ECHDC2: variants seen among roughly 807,000 people sequenced by gnomAD.
ECHDC2 encodes the protein enoyl-CoA hydratase domain containing 2.
In ECHDC2, 34 loss-of-function variants were observed where a neutral mutation model predicts 40.6. That is an observed-to-expected ratio of 0.84 (90% CI 0.64 to 1.11). The LOEUF (loss-of-function observed/expected upper bound fraction) is 1.11, where lower values mean the gene tolerates loss of function less well. Among genes scored for constraint, ECHDC2 ranks in the 50% most tolerant of loss-of-function variants. The pLI is 0.00. For synonymous variants in ECHDC2, 162 were observed against 166.6 expected (o/e 0.97, Z 0.21); for missense variants, 392 against 400.7 (o/e 0.98, Z 0.19).
intron 4 of ECHDC2, chr1:52,907,539 A>G (rs1648226600): frequency 3.5e-6 from 1 of 282,852 alleles, no homozygotes; most frequent in Non-Finnish European, 6.6e-6. Context: ...AGGACAAGTA[A>G]AAGTTCAAGT....
intron 8 of ECHDC2, 75 bp downstream of exon 8, chr1:52,899,099 C>A (rs1646820909): frequency 6.8e-7 from 1 of 1,474,964 alleles, no homozygotes; most frequent in Non-Finnish European, 9.5e-7. Context: ...GCTGTGCTGT[C>A]TGAGCTCTGA....
At chr1:52,910,663 C>T (rs2150059261) in intron 3 of ECHDC2, among the ~76,000 whole-genome samples, 1 of 152,160 alleles carries the variant, frequency 6.6e-6, no homozygotes, top group South Asian at 2.1e-4. Context: ...GCCACTGCAC[C>T]CAGCCCACAA....
At chr1:52,901,896 A>T (rs866796306) in intron 7 of ECHDC2, 1 of 152,218 alleles carries the variant, frequency 6.6e-6, no homozygotes, top group Non-Finnish European at 1.5e-5. Context: ...AGCTGCAATC[A>T]GCCACTCCAT....
chr1:52,902,162 CTATTT>C (rs1193045010), intron 7 of ECHDC2: 1 of 152,082 alleles, frequency 6.6e-6, no homozygotes, highest in Admixed American at 6.6e-5. Flanking sequence ...CAAAATTATA[CTATTT>C]TATTTTATTA....
chr1:52,913,774 C>CGGTTACACTA (rs1650083140), intron 1 of ECHDC2: 2 of 263,238 alleles, frequency 7.6e-6, no homozygotes, highest in Non-Finnish European at 1.3e-5. Flanking sequence ...TGTCGCCACC[C>CGGTTACACTA]GGGGGCCCTA....
At chr1:52,899,679 C>A (rs1435688736) in intron 7 of ECHDC2, 2 of 167,344 alleles carry the variant, frequency 1.2e-5, no homozygotes, top group Non-Finnish European at 2.6e-5. Context: ...TTTCCCACTT[C>A]CTCGACCTCA....
intron 5 of ECHDC2, chr1:52,905,493 C>A: frequency 5.3e-6 from 1 of 189,538 alleles, no homozygotes; most frequent in Non-Finnish European, 1.1e-5. Context: ...TCTGGCTTAG[C>A]CCTGGCCTGG....
rs1646803719 is a variant in ECHDC2 at position 52,898,831 on chromosome 1, A to T, written c.753+343T>A. On this transcript the variant is annotated intron_variant, in intron 8 of 9. Transcript: ENST00000371522. ...ACCCCAAGCCCTGCCCTGAGGCCAC[A>T]TTACTGCCAGCACAAATCTTGCAGC... 3 of 401,022 alleles carry T rather than the reference A, an allele frequency of 7.5e-6. No individual in the cohort carries two copies. The Admixed American group carries it at 1.2e-4, about 15-fold the overall frequency. 24.8% of individuals were successfully genotyped at this position (401,022 alleles called of 1,614,324 possible). A position where few individuals can be genotyped will look rare whatever the true frequency, so the allele number is the denominator to read the frequency against.
Position 52,906,585 on chromosome 1 carries a change from C to T in ECHDC2, c.391G>A (p.Ala131Thr), listed in dbSNP as rs376331490. 1.1e-5 allele frequency: 18 copies of T among 1,612,174 alleles called. No homozygotes were observed. The African/African-American group carries it at 2.3e-4, about 20-fold the overall frequency. Reference protein sequence around the residue: ...IAAFPAPTIAAMDGFALGGGL... With the variant: ...IAAFPAPTIATMDGFALGGGL... ...CCGCCCAAGGCAAACCCATCCATAG[C>T]CGCAATGGTGGGTGCAGGGAAGGCT... Residue 131 changes from alanine to threonine, a missense_variant, in exon 5 of 10, where the codon GCT (alanine) becomes ACT (threonine). Physicochemically the swap from Ala to Thr is moderately conservative, Grantham distance 58. Coordinates refer to ENST00000371522, the MANE Select transcript of ECHDC2 (RefSeq NM_001198961.2).
intron 5 of ECHDC2, chr1:52,906,076 C>G (rs575549427): frequency 2.9e-6 from 1 of 343,874 alleles, no homozygotes; most frequent in South Asian, 2.3e-5. Context: ...AGCTCAATTG[C>G]TCAGAACAAG....
chr1:52,908,991 A>T (rs981428384), intron 3 of ECHDC2, among the ~76,000 whole-genome samples: 10 of 151,792 alleles, frequency 6.6e-5, no homozygotes, highest in African/African-American at 1.9e-4. Flanking sequence ...TCCTGAGGAG[A>T]TACACAGATG....
Position 52,896,600 on chromosome 1 carries a change from G to T in ECHDC2, c.802-3C>A, listed in dbSNP as rs1437528847. 1 of 1,613,356 alleles carries T rather than the reference G, an allele frequency of 6.2e-7. No individual in the cohort carries two copies. The highest frequency in any genetic ancestry group is 1.3e-5 in the African/African-American group (1 of 74,912). ...AGCCGGTCCCGGGTTGGAATATTCT[G>T]CAACAAGGTACAAAATATTAGTTTT... On this transcript the variant is annotated splice_polypyrimidine_tract_variant and splice_region_variant and intron_variant, in intron 9 of 9. Transcript: ENST00000371522.
intron 1 of ECHDC2, chr1:52,920,414 C>T: frequency 3.4e-6 from 3 of 873,164 alleles, no homozygotes; most frequent in Non-Finnish European, 5.5e-6. Context: ...CATGTCCGGC[C>T]ACGAAGGTGG....
rs1336241136 is a variant in ECHDC2, at chr1:52,914,043, G to A, written c.122-2253C>T. Reference sequence around the variant, plus strand: ...TGTGTGCTGGCCTCTACTAGACACCGTGATTCCAGAGACCAGGACAGACTC... The same window carrying A: ...TGTGTGCTGGCCTCTACTAGACACCATGATTCCAGAGACCAGGACAGACTC... On this transcript the variant is annotated intron_variant, in intron 1 of 9. Coordinates refer to ENST00000371522, the MANE Select transcript of ECHDC2 (RefSeq NM_001198961.2). The surrounding 1 kb of genome is among the most constrained non-coding windows in gnomAD (Gnocchi z 4.0). 6.2e-6 allele frequency: 7 copies of A among 1,121,594 alleles called. No individual in the cohort carries two copies. Among genetic ancestry groups the A allele is most frequent in the South Asian group, 5.2e-5 (4 of 76,888 alleles). The allele number at this position is 1,121,594 out of a possible 1,614,324, so 69.5% of individuals were successfully genotyped here.
At chr1:52,917,703 T>C (rs557748296) in intron 1 of ECHDC2, 1 of 453,770 alleles carries the variant, frequency 2.2e-6, no homozygotes, top group African/African-American at 2.0e-5. Context: ...ATATAAGACA[T>C]ATAAGTCCCA....
chr1:52,914,111 G>C lies in ECHDC2; in HGVS notation c.122-2321C>G, dbSNP rs775140577. 1.9e-6 allele frequency: 1 copy of C among 519,400 alleles called. No individual in the cohort carries two copies. The highest frequency in any genetic ancestry group is 1.5e-5 in the South Asian group (1 of 65,742). The allele number at this position is 519,400 out of a possible 1,614,324, so 32.2% of individuals were successfully genotyped here. On this transcript the variant is annotated intron_variant, in intron 1 of 9. Coordinates refer to ENST00000371522, the MANE Select transcript of ECHDC2 (RefSeq NM_001198961.2). This position sits in a 1 kb window ranked among gnomAD's most constrained non-coding sequence, Gnocchi z 4.0. ...AACCTACAGCCTAGTGGGGAAGACA[G>C]ACATTAAATAATTACTATTTGTGAG...
In ECHDC2 at chr1:52,896,498, A is replaced by G. The variant is rs1289691471; in HGVS notation, c.*22T>C. ...CTGCTCTTCAGGGCATGCATCTCCC[A>G]TGCTGAAGGTTAAAATGGGGGTCAT... On this transcript the variant is annotated 3_prime_UTR_variant, in exon 10 of 10. Transcript: ENST00000371522. The G allele has an allele frequency of 1.2e-6, 2 of 1,602,654 alleles. No homozygotes were observed. Among genetic ancestry groups the G allele is most frequent in the South Asian group, 1.1e-5 (1 of 90,878 alleles).
intron 1 of ECHDC2, among the ~76,000 whole-genome samples, chr1:52,915,625 G>C (rs745988479): frequency 1.2e-4 from 19 of 152,324 alleles, no homozygotes; most frequent in Non-Finnish European, 2.6e-4. Context: ...AGAGATGCCA[G>C]ATCAGGAGGA....
chr1:52,906,301 G>A (rs1647791093), intron 5 of ECHDC2: 18 of 647,476 alleles, frequency 2.8e-5, no homozygotes, highest in Non-Finnish European at 5.2e-5. Flanking sequence ...AATGAAGGAA[G>A]CAGGTTCTGA....
Sources: gnomAD v4.1 joint callset for allele counts (sites outside exome capture counted in the v4.1 genomes callset) on GRCh38, gnomAD v4.1.1 for gene constraint, Gnocchi (gnomAD v3.1) non-coding constraint, MANE v1.5 for transcripts, NCBI Gene and HGNC (gene_info 2026-07-23, HGNC 2026-07-21) for gene names.